ST6GALNAC3: variants seen among roughly 807,000 people sequenced by gnomAD.
ST6GALNAC3 encodes alpha-N-acetylgalactosaminide alpha-2,6-sialyltransferase 3.
A neutral mutation model predicts 32.7 loss-of-function variants in ST6GALNAC3; 25 were observed. That is an observed-to-expected ratio of 0.76 (90% CI 0.56 to 1.07). The LOEUF is 1.07. Among genes scored for constraint, ST6GALNAC3 ranks in the 50% least tolerant of loss-of-function variants. ST6GALNAC3 has a pLI of 0.00. For missense variants in ST6GALNAC3, 355 were observed against 382.4 expected, an observed-to-expected ratio of 0.93 and a Z score of 0.60; for synonymous variants, 129 against 133.1, an observed-to-expected ratio of 0.97 and a Z score of 0.21.
chr1:76,272,776 G>A (rs1161231922), intron 1 of ST6GALNAC3, among the ~76,000 whole-genome samples: 1 of 152,186 alleles, frequency 6.6e-6, no homozygotes, highest in Non-Finnish European at 1.5e-5. Flanking sequence ...GCTCACAACA[G>A]TAATTGTGAG....
intron 3 of ST6GALNAC3, among the ~76,000 whole-genome samples, chr1:76,554,923 T>G (rs550850770): frequency 1.4e-3 from 206 of 152,272 alleles, no homozygotes; most frequent in African/African-American, 4.7e-3. Context: ...AAACACATGG[T>G]AGGTAATAGG....
At chr1:76,530,539 A>G (rs1663190036) in intron 3 of ST6GALNAC3, among the ~76,000 whole-genome samples, 2 of 152,284 alleles carry the variant, frequency 1.3e-5, no homozygotes, top group South Asian at 4.1e-4. Context: ...AAAGGGAGAG[A>G]GTTCTCTTAG....
chr1:76,282,782 ACT>A, intron 1 of ST6GALNAC3, among the ~76,000 whole-genome samples: 1 of 151,622 alleles, frequency 6.6e-6, no homozygotes, highest in Non-Finnish European at 1.5e-5. Flanking sequence ...TAATCCCAGC[ACT>A]TTGGGAGGCC....
At chr1:76,439,944 G>T (rs140058729) in intron 3 of ST6GALNAC3, among the ~76,000 whole-genome samples, 90 of 152,228 alleles carry the variant, frequency 5.9e-4, no homozygotes, top group Middle Eastern at 3.4e-3. Context: ...CTACCTCATA[G>T]GATTGTAGTA....
intron 1 of ST6GALNAC3, among the ~76,000 whole-genome samples, chr1:76,182,463 A>G (rs1414472656): frequency 1.3e-5 from 2 of 152,198 alleles, no homozygotes; most frequent in Non-Finnish European, 2.9e-5. Context: ...GAATGACTTC[A>G]TAGAAGTTTC....
At chr1:76,244,631 T>C (rs527706968) in intron 1 of ST6GALNAC3, among the ~76,000 whole-genome samples, 1 of 152,316 alleles carries the variant, frequency 6.6e-6, no homozygotes, top group East Asian at 1.9e-4. Context: ...ATACCTAGTT[T>C]ATTGAGAGTT....
chr1:76,325,793 A>G (rs1421119977), intron 2 of ST6GALNAC3, among the ~76,000 whole-genome samples: 2 of 133,400 alleles, frequency 1.5e-5, no homozygotes, highest in Non-Finnish European at 3.2e-5. Flanking sequence ...ATACACACAA[A>G]TATATATATA....
At chr1:76,551,876 C>T (rs781325281) in intron 3 of ST6GALNAC3, among the ~76,000 whole-genome samples, 8 of 152,116 alleles carry the variant, frequency 5.3e-5, no homozygotes, top group African/African-American at 1.9e-4. Context: ...ACTATCATTC[C>T]ACTCTGTACC....
intron 1 of ST6GALNAC3, among the ~76,000 whole-genome samples, chr1:76,155,796 T>C (rs963920998): frequency 1.3e-5 from 2 of 152,158 alleles, no homozygotes; most frequent in Non-Finnish European, 2.9e-5. Context: ...TAACATATAG[T>C]TTCTCCTGTT....
chr1:76,096,397 G>A lies in ST6GALNAC3; in HGVS notation c.18+21513G>A, dbSNP rs535147282. Among the ~76,000 whole-genome samples the A allele has an allele frequency of 1.3e-4, 20 of 152,186 alleles. No individual in the cohort carries two copies. In the South Asian group the frequency reaches 3.9e-3, roughly 30 times the overall value. On this transcript the variant is annotated intron_variant, in intron 1 of 4. Transcript: ENST00000328299. Reference sequence around the variant, plus strand: ...TTGCATTTGTTTTACTGCTTTGAAGGATTGGAAGTCTCTGAAGGCCATTTC... The same window carrying A: ...TTGCATTTGTTTTACTGCTTTGAAGAATTGGAAGTCTCTGAAGGCCATTTC...
chr1:76,318,289 G>A (rs1310782186), intron 2 of ST6GALNAC3, among the ~76,000 whole-genome samples: 1 of 152,102 alleles, frequency 6.6e-6, no homozygotes, highest in Non-Finnish European at 1.5e-5. Flanking sequence ...AAATATAACA[G>A]AGTTGGTGAT....
chr1:76,280,379 T>A (rs1274550315), intron 1 of ST6GALNAC3, among the ~76,000 whole-genome samples: 1 of 152,378 alleles, frequency 6.6e-6, no homozygotes, highest in East Asian at 1.9e-4. Context: ...TTCCTAGAAC[T>A]AACTACTAGT....
chr1:76,390,947 T>TGTA (rs544653439), intron 2 of ST6GALNAC3, among the ~76,000 whole-genome samples: 44 of 45,944 alleles, frequency 9.6e-4, no homozygotes, highest in Middle Eastern at 0.014. Context: ...TATATATGTA[T>TGTA]TTTTTTTTTT....
intron 3 of ST6GALNAC3, among the ~76,000 whole-genome samples, chr1:76,463,695 G>A (rs1392948729): frequency 6.6e-6 from 1 of 152,088 alleles, no homozygotes; most frequent in Non-Finnish European, 1.5e-5. Context: ...CTACCGCAGG[G>A]TTTGGATTCA....
chr1:76,291,585 G>A (rs1324098657), intron 1 of ST6GALNAC3, among the ~76,000 whole-genome samples: 1 of 152,216 alleles, frequency 6.6e-6, no homozygotes, highest in African/African-American at 2.4e-5. Context: ...GCTGCTTGTC[G>A]GAGTTCTAAC....
intron 1 of ST6GALNAC3, among the ~76,000 whole-genome samples, chr1:76,153,109 C>T (rs577594078): frequency 6.6e-6 from 1 of 152,166 alleles, no homozygotes; most frequent in Non-Finnish European, 1.5e-5. Flanking sequence ...TGTCTGGTGT[C>T]TCTTTCCTCA....
At chr1:76,222,390 A>G (rs1365426962) in intron 1 of ST6GALNAC3, among the ~76,000 whole-genome samples, 1 of 152,204 alleles carries the variant, frequency 6.6e-6, no homozygotes, top group Non-Finnish European at 1.5e-5. Context: ...AAAAACAAAA[A>G]TTGACAAATG....
chr1:76,079,397 CA>C lies in ST6GALNAC3; in HGVS notation c.18+4514del, dbSNP rs531301160. On this transcript the variant is annotated intron_variant, in intron 1 of 4. Coordinates refer to ENST00000328299, the MANE Select transcript of ST6GALNAC3 (RefSeq NM_152996.4). ...TTTTATGATTTCTACCCTTGGTCAG[CA>C]GGTACATTTTCAGCACAGTGTCTTG... is the stretch of plus-strand genomic sequence containing the variant. 5.3e-3 allele frequency among the ~76,000 whole-genome samples: 806 copies of C among 152,236 alleles called. 2 individuals carry two copies. The highest frequency in any genetic ancestry group is 0.01 in the Middle Eastern group (3 of 294).
chr1:76,202,524 G>A (rs1654587306), intron 1 of ST6GALNAC3, among the ~76,000 whole-genome samples: 1 of 152,070 alleles, frequency 6.6e-6, no homozygotes, highest in South Asian at 2.1e-4. Context: ...TTCCAGTCAT[G>A]GCTCTTGGGA....
Sources: gnomAD v4.1 joint callset for allele counts (sites outside exome capture counted in the v4.1 genomes callset) on GRCh38, gnomAD v4.1.1 for gene constraint, MANE v1.5 for transcripts, NCBI Gene and HGNC (gene_info 2026-07-23, HGNC 2026-07-21) for gene names.